Variants in ZNF653 observed in about 807,000 individuals in gnomAD.
ZNF653 encodes the protein zinc finger protein 653, also known as 67 kDa zinc finger protein.
ZNF653 carries 37 observed loss-of-function variants against 59.9 expected under a neutral mutation model. The observed-to-expected ratio is 0.62, with a 90% CI of 0.48 to 0.81. The LOEUF (loss-of-function observed/expected upper bound fraction) is 0.81. Among genes scored for constraint, ZNF653 ranks in the 40% least tolerant of loss-of-function variants. ZNF653 has a pLI of 0.00. For synonymous variants in ZNF653, 435 were observed against 371.8 expected (o/e 1.17, Z -1.96); for missense variants, 808 against 881.1 (o/e 0.92, Z 1.05).
At chr19:11,490,044 C>A (rs1180859571) in intron 3 of ZNF653, among the ~76,000 whole-genome samples, 1 of 152,208 alleles carries the variant, frequency 6.6e-6, no homozygotes, top group African/African-American at 2.4e-5. Flanking sequence ...AAGGCTCAGT[C>A]CCACAAGACC....
intron 5 of ZNF653, 29 bp from the exon 6 acceptor site, chr19:11,486,909 G>A (rs762769198): frequency 1.2e-6 from 2 of 1,610,754 alleles, no homozygotes; most frequent in South Asian, 2.2e-5. Flanking sequence ...TGACATCGGG[G>A]CTCCCGCACC....
rs1032860954 is a variant in ZNF653, at chr19:11,495,559, T to C, written c.559+391A>G. 3.5e-5 allele frequency: 9 copies of C among 260,404 alleles called. 1 individual carries two copies. Among genetic ancestry groups the C allele is most frequent in the Non-Finnish European group, 6.1e-5 (8 of 131,150 alleles). The allele number at this position is 260,404 out of a possible 1,614,324, so 16.1% of individuals were successfully genotyped here. On this transcript the variant is annotated intron_variant, in intron 3 of 8. Coordinates refer to ENST00000293771, the MANE Select transcript of ZNF653 (RefSeq NM_138783.4). The surrounding 1 kb of genome is among the most constrained non-coding windows in gnomAD (Gnocchi z 4.9). ...AGCTTAGCCAGGGCTCAGGAGAGCA[T>C]CACAGCCTATGAAGCCATAAGGCCT...
intron 1 of ZNF653, among the ~76,000 whole-genome samples, chr19:11,501,104 G>A (rs1971639131): frequency 6.6e-6 from 1 of 151,762 alleles, no homozygotes. Context: ...ATCTAAATAT[G>A]CCATGATTTC....
intron 1 of ZNF653, among the ~76,000 whole-genome samples, chr19:11,503,458 C>T (rs1054920336): frequency 6.6e-6 from 1 of 152,164 alleles, no homozygotes; most frequent in African/African-American, 2.4e-5. Flanking sequence ...TTGTTTTTTC[C>T]GTAGCCCCTA....
At position 11,487,452 on chromosome 19, in the gene ZNF653, G is replaced by A; in HGVS notation, c.1011C>T (p.Leu337=). 1 of 1,612,970 alleles carries A rather than the reference G, an allele frequency of 6.2e-7. No homozygotes were observed. Among genetic ancestry groups the A allele is most frequent in the East Asian group, 2.2e-5 (1 of 44,878 alleles). Residue 337 remains leucine, a synonymous_variant, in exon 4 of 9, where the codon CTC becomes CTT. Transcript: ENST00000293771. The surrounding 1 kb of genome is among the most constrained non-coding windows in gnomAD (Gnocchi z 5.1). ...GGACACCGCTGCCTGCTGCCATGTTGAGGTGAATGCCCTCGGCCGTGAGAG... is the reference window on the plus strand; with the variant it reads ...GGACACCGCTGCCTGCTGCCATGTTAAGGTGAATGCCCTCGGCCGTGAGAG... ...YDALTAEGIH[L]NMAAGSGVPG...
chr19:11,490,528 A>T (rs2144939059), intron 3 of ZNF653, among the ~76,000 whole-genome samples: 1 of 151,808 alleles, frequency 6.6e-6, no homozygotes, highest in Middle Eastern at 3.4e-3. Context: ...CTGGGACTAC[A>T]GGCACACGCC....
chr19:11,505,224 G>A (rs1405463774), intron 1 of ZNF653: 4 of 422,284 alleles, frequency 9.5e-6, no homozygotes, highest in South Asian at 8.8e-5. Flanking sequence ...GGCCGCCAGA[G>A]TTCTAGCGGG....
At chr19:11,489,780 C>T (rs1971511024) in intron 3 of ZNF653, among the ~76,000 whole-genome samples, 1 of 152,212 alleles carries the variant, frequency 6.6e-6, no homozygotes, top group African/African-American at 2.4e-5. Context: ...AGGGGACACT[C>T]TCCTCTCTTA....
intron 1 of ZNF653, among the ~76,000 whole-genome samples, chr19:11,499,905 C>A (rs1971626417): frequency 6.6e-6 from 1 of 152,024 alleles, no homozygotes; most frequent in Non-Finnish European, 1.5e-5. Context: ...AGAGTAAAAC[C>A]GTGTCTCAAA....
intron 1 of ZNF653, among the ~76,000 whole-genome samples, chr19:11,502,263 T>C (rs1971654550): frequency 1.3e-5 from 2 of 152,096 alleles, no homozygotes; most frequent in Non-Finnish European, 2.9e-5. Flanking sequence ...GGCTAATTTT[T>C]GCATTTTTAG....
In ZNF653 at chr19:11,495,902, C is replaced by T. The variant is rs757159194; in HGVS notation, c.559+48G>A. The stretch of plus-strand genomic sequence containing the variant: ...ATGCTAGCCTAGGGCTCGTAAGAAG[C>T]CCCCAGAAATGGGCGGCCCCCTATG... On this transcript the variant is annotated intron_variant, in intron 3 of 8. Transcript: ENST00000293771. The surrounding 1 kb of genome is among the most constrained non-coding windows in gnomAD (Gnocchi z 4.9). 16 of 1,566,192 alleles carry T rather than the reference C, an allele frequency of 1.0e-5. No individual in the cohort carries two copies. The highest frequency in any genetic ancestry group is 1.8e-5 in the Admixed American group (1 of 55,832).
At chr19:11,504,307 A>AGGAGAATGGCGTGAACCCGGGAGGC (rs1452440535) in intron 1 of ZNF653, among the ~76,000 whole-genome samples, 2 of 152,166 alleles carry the variant, frequency 1.3e-5, no homozygotes, top group African/African-American at 2.4e-5. Flanking sequence ...AGGCTGAGGC[A>AGGAGAATGGCGTGAACCCGGGAGGC]GGAGAATGGC....
chr19:11,492,769 T>C (rs1022620557), intron 3 of ZNF653, among the ~76,000 whole-genome samples: 1 of 152,080 alleles, frequency 6.6e-6, no homozygotes, highest in African/African-American at 2.4e-5. Context: ...TGGTGCACAG[T>C]GAGGGCTCGT....
chr19:11,492,975 A>C (rs190249316), intron 3 of ZNF653, among the ~76,000 whole-genome samples: 1 of 151,684 alleles, frequency 6.6e-6, no homozygotes, highest in Non-Finnish European at 1.5e-5. Flanking sequence ...TCGAACTTCT[A>C]GCCTCAAGTG....
chr19:11,498,010 C>T lies in ZNF653; in HGVS notation c.343+286G>A, dbSNP rs190465058. On this transcript the variant is annotated intron_variant, in intron 2 of 8. Coordinates refer to ENST00000293771, the MANE Select transcript of ZNF653 (RefSeq NM_138783.4). ...GACAGGAGGAGCAAGCTCCAGACCT[C>T]CCCTCTAACCACCAGTGCTTGGCTC... 2.6e-3 allele frequency among the ~76,000 whole-genome samples: 391 copies of T among 152,334 alleles called. 1 individual carries two copies. Among genetic ancestry groups the T allele is most frequent in the Middle Eastern group, 0.014 (4 of 294 alleles).
Position 11,487,156 on chromosome 19 carries a change from T to C in ZNF653, c.1174A>G (p.Lys392Glu). 1.1e-5 allele frequency: 17 copies of C among 1,610,882 alleles called. No homozygotes were observed. The highest frequency in any genetic ancestry group is 1.4e-5 in the Non-Finnish European group (17 of 1,179,882). ...TTCTTTAGCAAGCACAGGTCCTCCT[T>C]CTCTACAGGGTGGACACAGGGTGGT... is the stretch of plus-strand genomic sequence containing the variant. ...AVAGIETKKE[K>E]EDLCLLKKEE... Residue 392 changes from lysine to glutamate, a missense_variant and splice_region_variant, in exon 5 of 9, where the codon AAG (lysine) becomes GAG (glutamate). Coordinates refer to ENST00000293771, the MANE Select transcript of ZNF653 (RefSeq NM_138783.4). This position sits in a 1 kb window ranked among gnomAD's most constrained non-coding sequence, Gnocchi z 5.1.
chr19:11,492,652 A>G (rs1168190933), intron 3 of ZNF653, among the ~76,000 whole-genome samples: 3 of 151,956 alleles, frequency 2.0e-5, no homozygotes, highest in South Asian at 2.1e-4. Context: ...CCTGCACTCT[A>G]TATTTTTATT....
At position 11,505,815 on chromosome 19, in the gene ZNF653, C is replaced by A. The variant is rs1028126939; in HGVS notation, c.-29G>T. 1.5e-6 allele frequency: 2 copies of A among 1,359,068 alleles called. No homozygotes were observed. The highest frequency in any genetic ancestry group is 3.8e-5 in the Admixed American group (1 of 26,276). 84.2% of individuals were successfully genotyped at this position (1,359,068 alleles called of 1,614,324 possible). A position where few individuals can be genotyped will look rare whatever the true frequency, so the allele number is the denominator to read the frequency against. On this transcript the variant is annotated 5_prime_UTR_variant, in exon 1 of 9. Transcript: ENST00000293771. Reference sequence around the variant, plus strand: ...CCCCACCCTGGTTACCAGCCTCCCCCGTTGTTAGGAGCCAGACCGGAAGTG... The same window carrying A: ...CCCCACCCTGGTTACCAGCCTCCCCAGTTGTTAGGAGCCAGACCGGAAGTG...
intron 1 of ZNF653, chr19:11,505,282 G>A (rs1199261363): frequency 3.8e-6 from 2 of 526,772 alleles, no homozygotes; most frequent in Admixed American, 4.4e-5. Flanking sequence ...GTGCACCCTA[G>A]GATTGGGCAG....
Sources: allele counts gnomAD v4.1 joint callset (sites outside exome capture counted in the v4.1 genomes callset), GRCh38; gene constraint gnomAD v4.1.1; non-coding constraint Gnocchi (gnomAD v3.1); transcripts MANE v1.5; gene names NCBI Gene and HGNC (gene_info 2026-07-23, HGNC 2026-07-21).